The following HYCC1 variants were observed in gnomAD, a reference collection of about 807,000 sequenced individuals.
The protein encoded by HYCC1 is hyccin.
At chr7:22,906,216 T>C in the HYCC1 span, among the ~76,000 whole-genome samples, 3 of 152,160 alleles carry the variant, frequency 2.0e-5, no homozygotes, top group Non-Finnish European at 4.4e-5. Context: ...TGAAAGTTAT[T>C]CTAAAGAGGT....
At chr7:22,946,712 C>T in the HYCC1 span, among the ~76,000 whole-genome samples, 5 of 151,690 alleles carry the variant, frequency 3.3e-5, no homozygotes, top group South Asian at 6.2e-4. Flanking sequence ...AAGACAAAGC[C>T]GAAAAAGTAA....
chr7:22,977,795 T>A, the HYCC1 span, among the ~76,000 whole-genome samples: 1 of 152,190 alleles, frequency 6.6e-6, no homozygotes, highest in African/African-American at 2.4e-5. Flanking sequence ...AACTTAAGTA[T>A]CTAGAATACC....
At chr7:22,942,648 T>C in the HYCC1 span, 1 of 152,126 alleles carries the variant, frequency 6.6e-6, no homozygotes, top group Non-Finnish European at 1.5e-5. Context: ...AAATATGGGG[T>C]GCAAGACCCC....
chr7:22,940,019 A>G, the HYCC1 span: 1 of 152,226 alleles, frequency 6.6e-6, no homozygotes, highest in South Asian at 2.1e-4. Context: ...TGAGTCAGCT[A>G]TGTGGACTAC....
chr7:23,012,333 T>C, the HYCC1 span, among the ~76,000 whole-genome samples: 1 of 151,968 alleles, frequency 6.6e-6, no homozygotes, highest in Non-Finnish European at 1.5e-5. Flanking sequence ...AATACAACAA[T>C]GAAAGGAAGC....
At chr7:22,965,690 G>A in the HYCC1 span, among the ~76,000 whole-genome samples, 1 of 151,746 alleles carries the variant, frequency 6.6e-6, no homozygotes, top group South Asian at 2.1e-4. Context: ...GTAGTGGCAT[G>A]ATCATGGCTC....
At chr7:22,946,821 T>G in the HYCC1 span, 1 of 715,814 alleles carries the variant, frequency 1.4e-6, no homozygotes, top group Non-Finnish European at 2.2e-6. Flanking sequence ...GTATAATCAT[T>G]CCAAAGAACA....
At chr7:22,994,941 C>T in the HYCC1 span, among the ~76,000 whole-genome samples, 2 of 152,148 alleles carry the variant, frequency 1.3e-5, no homozygotes, top group Non-Finnish European at 2.9e-5. Flanking sequence ...CATCCTAATT[C>T]TGGAAGGACG....
At chr7:22,943,360 C>T in the HYCC1 span, 5 of 152,216 alleles carry the variant, frequency 3.3e-5, no homozygotes, top group South Asian at 4.2e-4. Context: ...ACTTTCTTCT[C>T]ATAAAAATCA....
the HYCC1 span, among the ~76,000 whole-genome samples, chr7:22,982,851 T>C: frequency 3.9e-5 from 6 of 152,172 alleles, no homozygotes; most frequent in Non-Finnish European, 1.5e-5. Flanking sequence ...GCTTTCTAGC[T>C]TCAGCTCCTA....
At chr7:22,897,854 G>A in the HYCC1 span, among the ~76,000 whole-genome samples, 250 of 151,810 alleles carry the variant, frequency 1.6e-3, 3 homozygotes, top group African/African-American at 5.8e-3. Flanking sequence ...AGCTGGTCTC[G>A]AACTCCTAGG....
At chr7:22,922,902 C>T in the HYCC1 span, among the ~76,000 whole-genome samples, 1 of 152,136 alleles carries the variant, frequency 6.6e-6, no homozygotes. Context: ...CAACAGAACC[C>T]TACAACATGT....
chr7:22,915,110 G>A, the HYCC1 span, among the ~76,000 whole-genome samples: 1 of 152,138 alleles, frequency 6.6e-6, no homozygotes, highest in Non-Finnish European at 1.5e-5. Context: ...CCCAGACCCA[G>A]AGGGGCCAGA....
At chr7:22,980,139 G>T in the HYCC1 span, among the ~76,000 whole-genome samples, 1 of 152,138 alleles carries the variant, frequency 6.6e-6, no homozygotes, top group Non-Finnish European at 1.5e-5. Flanking sequence ...CCTGAAAAAT[G>T]TCAGGAAGAA....
At chr7:22,960,124 G>A in the HYCC1 span, 5 of 940,888 alleles carry the variant, frequency 5.3e-6, no homozygotes, top group Non-Finnish European at 8.5e-6. Context: ...TAAATTAGGA[G>A]TTAAGGGCAA....
At chr7:22,946,004 G>A in the HYCC1 span, 1 of 1,613,646 alleles carries the variant, frequency 6.2e-7, no homozygotes, top group Non-Finnish European at 8.5e-7. Context: ...GCTTCCTCCT[G>A]ACCGTCTGTG....
At chr7:22,918,911 A>C in the HYCC1 span, among the ~76,000 whole-genome samples, 2 of 152,216 alleles carry the variant, frequency 1.3e-5, no homozygotes, top group Non-Finnish European at 2.9e-5. Context: ...TGGTCTCTTC[A>C]CATGGACGCA....
chr7:22,932,564 G>A, the HYCC1 span, among the ~76,000 whole-genome samples: 3 of 152,084 alleles, frequency 2.0e-5, no homozygotes, highest in Non-Finnish European at 2.9e-5. Flanking sequence ...GTCCACAGAT[G>A]AGAAATTTTC....
the HYCC1 span, among the ~76,000 whole-genome samples, chr7:22,972,361 A>G: frequency 1.3e-5 from 2 of 152,200 alleles, no homozygotes; most frequent in Non-Finnish European, 2.9e-5. Flanking sequence ...ACAGAAACAA[A>G]TACACTGATC....
Sources: allele counts gnomAD v4.1 joint callset (sites outside exome capture counted in the v4.1 genomes callset), GRCh38; gene constraint gnomAD v4.1.1; transcripts MANE v1.5; gene names NCBI Gene and HGNC (gene_info 2026-07-23, HGNC 2026-07-21).